Variants in FARP2 observed in about 807,000 individuals in gnomAD.
The protein encoded by FARP2 is FERM, ARH/RhoGEF and pleckstrin domain protein 2.
A neutral mutation model predicts 130.5 loss-of-function variants in FARP2; 111 were observed. The ratio of observed to expected loss-of-function variants is 0.85; its 90% CI spans 0.73 to 1.00. FARP2 has a LOEUF of 1.00. Ranked by LOEUF, FARP2 falls within the 50% of genes least tolerant of loss-of-function variation. The pLI is 0.00. For missense variants in FARP2, 1,385 were observed against 1,346.3 expected, an observed-to-expected ratio of 1.03 and a Z score of -0.45; for synonymous variants, 504 against 516.9, an observed-to-expected ratio of 0.98 and a Z score of 0.34.
rs199537364 is a variant in FARP2 at position 241,475,935 on chromosome 2, C to T, written c.2210C>T (p.Thr737Met). ...CGGCTGGAGAACCTGCAGAAGCTAA[C>T]GGAGCTGCAGCGGGACCTGGTGGGC... ...LIRLENLQKL[T>M]ELQRDLVGIE... is the part of the protein sequence containing the mutation. The change falls in exon 19 of 27, where the codon ACG becomes ATG. Residue 737 changes from threonine to methionine, a missense_variant. By Grantham distance (81) the Thr-to-Met change is moderately conservative. Transcript: ENST00000264042. This position sits in a 1 kb window ranked among gnomAD's most constrained non-coding sequence, Gnocchi z 4.4. The T allele has an allele frequency of 5.6e-6, 9 of 1,613,858 alleles. No homozygotes were observed. Among genetic ancestry groups the T allele is most frequent in the African/African-American group, 4.0e-5 (3 of 75,024 alleles).
At position 241,492,955 on chromosome 2, in the gene FARP2, A is replaced by G. The variant is rs763811029; in HGVS notation, c.2814A>G (p.Arg938=). 1.4e-5 allele frequency: 22 copies of G among 1,612,084 alleles called. No individual in the cohort carries two copies. Among genetic ancestry groups the G allele is most frequent in the South Asian group, 3.3e-5 (3 of 91,044 alleles). The change falls in exon 25 of 27, where the codon AGA becomes AGG. Residue 938 remains arginine, a synonymous_variant. Transcript: ENST00000264042. The part of the protein sequence containing the change: ...VENQLSGYLL[R]KFKNSHGWQK... The stretch of plus-strand genomic sequence containing the variant: ...ACCAGCTTTCAGGATATCTGCTAAG[A>G]AAGTTCAAAAACAGTCATGGCTGGC...
intron 2 of FARP2, among the ~76,000 whole-genome samples, chr2:241,395,213 A>G (rs529137306): frequency 6.6e-6 from 1 of 152,336 alleles, no homozygotes; most frequent in South Asian, 2.1e-4. Context: ...GGAGCCACAA[A>G]GGGCCTGGAG....
At chr2:241,461,587 T>G (rs3771586) in intron 14 of FARP2, among the ~76,000 whole-genome samples, 1 of 152,056 alleles carries the variant, frequency 6.6e-6, no homozygotes, top group African/African-American at 2.4e-5. Context: ...CTGCGTTATG[T>G]CTTGTACAGC....
chr2:241,459,903 G>A lies in FARP2; in HGVS notation c.1588-2620G>A, dbSNP rs1006161892. ...CTGACTCCCCTGTGACCCACTGGTG[G>A]CACCTGTGATGAGAAGTCTCATCAG... On this transcript the variant is annotated intron_variant, in intron 14 of 26. Transcript: ENST00000264042. This position sits in a 1 kb window ranked among gnomAD's most constrained non-coding sequence, Gnocchi z 5.3. Among the ~76,000 whole-genome samples, 5 of 152,158 alleles carry A rather than the reference G, an allele frequency of 3.3e-5. No homozygotes were observed. Among genetic ancestry groups the A allele is most frequent in the African/African-American group, 1.2e-4 (5 of 41,432 alleles).
rs532070588 is a variant in FARP2, at chr2:241,414,606, C to G, written c.623+1185C>G. On this transcript the variant is annotated intron_variant, in intron 7 of 26. Transcript: ENST00000264042. ...CTACCCATACAGATCTTACCTTACC[C>G]CGTAAGATTGTGTGGATTTCGTGCA... 7.8e-4 allele frequency among the ~76,000 whole-genome samples: 119 copies of G among 152,314 alleles called. 3 individuals carry two copies. The South Asian group carries it at 0.024, about 30-fold the overall frequency.
intron 12 of FARP2, among the ~76,000 whole-genome samples, chr2:241,439,581 G>A (rs1464865173): frequency 4.6e-5 from 7 of 151,614 alleles, no homozygotes; most frequent in Admixed American, 3.3e-4. Flanking sequence ...CGCCCGACTC[G>A]GCCTCCCAAA....
At chr2:241,473,480 G>T (rs10203534) in intron 18 of FARP2, among the ~76,000 whole-genome samples, 3,002 of 152,286 alleles carry the variant, frequency 0.02, 102 homozygotes, top group African/African-American at 0.069. Context: ...GTCAAGGCAG[G>T]TCAGGTGATG....
chr2:241,441,465 A>G lies in FARP2; in HGVS notation c.1320A>G (p.Pro440=), dbSNP rs1385333070. 6.2e-7 allele frequency: 1 copy of G among 1,614,220 alleles called. No homozygotes were observed. The highest frequency in any genetic ancestry group is 8.5e-7 in the Non-Finnish European group (1 of 1,180,040). ...CCCAGGTTTCCTACGTCAAGAGTCC[A>G]GCTGCAGAGAGGCGCAGTGGAGCAG... ...TDPQVSYVKS[P]AAERRSGAVA... Residue 440 remains proline (P), a synonymous_variant, in exon 13 of 27, where the codon CCA becomes CCG. Coordinates refer to ENST00000264042, the MANE Select transcript of FARP2 (RefSeq NM_014808.4).
At chr2:241,491,433 C>T (rs2064905774) in intron 23 of FARP2, 83 bp from the exon 24 acceptor site, 18 of 1,490,114 alleles carry the variant, frequency 1.2e-5, no homozygotes, top group South Asian at 2.4e-5. Context: ...CCAGGACCCC[C>T]GAGAGGAACC....
intron 2 of FARP2, among the ~76,000 whole-genome samples, chr2:241,400,632 G>A (rs1385534644): frequency 6.6e-6 from 1 of 152,150 alleles, no homozygotes; most frequent in Non-Finnish European, 1.5e-5. Context: ...CTTCTCTAAG[G>A]GAATAGCCTG....
rs982095741 is a variant in FARP2 at position 241,441,351 on chromosome 2, A to C, written c.1206A>C (p.Ser402=). The C allele has an allele frequency of 6.2e-7, 1 of 1,612,436 alleles. No individual in the cohort carries two copies. The highest frequency in any genetic ancestry group is 1.3e-5 in the African/African-American group (1 of 74,850). Residue 402 remains serine, a synonymous_variant, in exon 13 of 27, where the codon TCA becomes TCC. Coordinates refer to ENST00000264042, the MANE Select transcript of FARP2 (RefSeq NM_014808.4). The part of the protein sequence containing the change: ...EGLRTPASPS[S]ANAFYSLSPS... Reference sequence around the variant, plus strand: ...TGAGGACTCCTGCCTCCCCATCTTCAGCGAATGCCTTTTACTCGCTCTCTC... The same window carrying C: ...TGAGGACTCCTGCCTCCCCATCTTCCGCGAATGCCTTTTACTCGCTCTCTC...
rs530330831 is a variant in FARP2, at chr2:241,380,084, A to C, written c.183+6794A>C. 7.2e-4 allele frequency among the ~76,000 whole-genome samples: 110 copies of C among 152,346 alleles called. 1 individual carries two copies. The highest frequency in any genetic ancestry group is 2.5e-3 in the African/African-American group (106 of 41,580). On this transcript the variant is annotated intron_variant, in intron 2 of 26. Coordinates refer to ENST00000264042, the MANE Select transcript of FARP2 (RefSeq NM_014808.4). ...TTAGATTACACAGCAAGGGCGACTG[A>C]TGAAGAAGTTAGGCCAGCAAATGGA...
At position 241,494,044 on chromosome 2, in the gene FARP2, C is replaced by A; in HGVS notation, c.3084C>A (p.Ala1028=). ...MEVIQGASSS[A]GRAPSIVQDG... is the part of the protein sequence containing the mutation. Reference sequence around the variant, plus strand: ...TGATCCAGGGGGCCAGCAGCTCAGCCGGGAGGGCCCCAAGCATCGTGCAGG... The same window carrying A: ...TGATCCAGGGGGCCAGCAGCTCAGCAGGGAGGGCCCCAAGCATCGTGCAGG... The change falls in exon 27 of 27, where the codon GCC becomes GCA. Residue 1028 remains alanine (A), a synonymous_variant. Transcript: ENST00000264042. This position sits in a 1 kb window ranked among gnomAD's most constrained non-coding sequence, Gnocchi z 4.9. The A allele has an allele frequency of 7.1e-7, 1 of 1,415,002 alleles. No individual in the cohort carries two copies. Among genetic ancestry groups the A allele is most frequent in the Non-Finnish European group, 9.2e-7 (1 of 1,083,480 alleles). The allele number at this position is 1,415,002 out of a possible 1,614,324, so 87.7% of individuals were successfully genotyped here.
chr2:241,429,459 C>A (rs1482287895), intron 8 of FARP2, among the ~76,000 whole-genome samples: 1 of 152,184 alleles, frequency 6.6e-6, no homozygotes, highest in Non-Finnish European at 1.5e-5. Flanking sequence ...ACCCTGGGCT[C>A]ACTGCCTAGG....
chr2:241,403,104 G>A (rs2062236863), intron 2 of FARP2, among the ~76,000 whole-genome samples: 1 of 149,760 alleles, frequency 6.7e-6, no homozygotes, highest in African/African-American at 2.5e-5. Flanking sequence ...GATGTGAAAT[G>A]CTACCAAATA....
chr2:241,362,500 G>A (rs922335527), intron 1 of FARP2, among the ~76,000 whole-genome samples: 3 of 152,090 alleles, frequency 2.0e-5, no homozygotes, highest in Non-Finnish European at 4.4e-5. Context: ...TACTCGGGAG[G>A]CTGAGGCAGG....
chr2:241,396,670 A>C (rs1024367309), intron 2 of FARP2, among the ~76,000 whole-genome samples: 19 of 152,260 alleles, frequency 1.2e-4, no homozygotes, highest in African/African-American at 4.1e-4. Context: ...CGATCATTAA[A>C]AAGTCAGGGA....
chr2:241,480,993 A>G (rs1234301204), intron 19 of FARP2, among the ~76,000 whole-genome samples: 2 of 151,110 alleles, frequency 1.3e-5, no homozygotes, highest in Non-Finnish European at 2.9e-5. Context: ...CCACGGCAGA[A>G]GGATCACTTG....
Position 241,489,984 on chromosome 2 carries a change from G to C in FARP2, c.2444G>C (p.Trp815Ser), listed in dbSNP as rs764798874. The stretch of plus-strand genomic sequence containing the variant: ...CAGGTGGAAGAAAGTGATAACGAGT[G>C]GTCTGTTCCACACTGTTTCACCATC... ...GMLVEESDNEWSVPHCFTIYA... is the reference protein window; with the variant it reads ...GMLVEESDNESSVPHCFTIYA... The change falls in exon 22 of 27, where the codon TGG becomes TCG. Residue 815 changes from tryptophan (W) to serine (S), a missense_variant. By Grantham distance (177) the Trp-to-Ser change is radical. Coordinates refer to ENST00000264042, the MANE Select transcript of FARP2 (RefSeq NM_014808.4). 6.2e-7 allele frequency: 1 copy of C among 1,613,670 alleles called. No individual in the cohort carries two copies. Among genetic ancestry groups the C allele is most frequent in the South Asian group, 1.1e-5 (1 of 91,066 alleles).
Sources: allele counts gnomAD v4.1 joint callset (sites outside exome capture counted in the v4.1 genomes callset), GRCh38; gene constraint gnomAD v4.1.1; non-coding constraint Gnocchi (gnomAD v3.1); transcripts MANE v1.5; gene names NCBI Gene and HGNC (gene_info 2026-07-23, HGNC 2026-07-21).